MICOS10: variants seen among roughly 807,000 people sequenced by gnomAD.
MICOS10 encodes mitochondrial contact site and cristae organizing system subunit 10.
In MICOS10, 5 loss-of-function variants were observed where a neutral mutation model predicts 13.4. The ratio of observed to expected loss-of-function variants is 0.37; its 90% confidence interval spans 0.20 to 0.78. MICOS10 has a LOEUF of 0.78. Ranked by LOEUF, MICOS10 falls within the 30% of genes least tolerant of loss-of-function variation. The pLI, the probability that MICOS10 is intolerant of heterozygous loss-of-function variation, is 0.47. For missense variants in MICOS10, 101 were observed against 94.6 expected, an observed-to-expected ratio of 1.07 and a Z score of -0.28; for synonymous variants, 35 against 33.6, an observed-to-expected ratio of 1.04 and a Z score of -0.15.
At chr1:19,602,855 G>C (rs868434712) in intron 1 of MICOS10, among the ~76,000 whole-genome samples, 1 of 152,128 alleles carries the variant, frequency 6.6e-6, no homozygotes, top group Non-Finnish European at 1.5e-5. Context: ...ACTTTAAATC[G>C]TTCTGGTCTC....
At chr1:19,598,815 A>G (rs959053278) in intron 1 of MICOS10, among the ~76,000 whole-genome samples, 63 of 152,284 alleles carry the variant, frequency 4.1e-4, no homozygotes, top group African/African-American at 1.5e-3. Context: ...TACATAAGCT[A>G]CTTAGCACAG....
intron 1 of MICOS10, among the ~76,000 whole-genome samples, chr1:19,607,924 A>G (rs1570475046): frequency 1.3e-5 from 2 of 152,138 alleles, no homozygotes; most frequent in Non-Finnish European, 2.9e-5. Context: ...TACATGGTCA[A>G]TTCGTTTTTG....
rs150003366 is a variant in MICOS10, at chr1:19,615,317, A to G, written c.65-6783A>G. On this transcript the variant is annotated intron_variant, in intron 1 of 3. Coordinates refer to ENST00000322753, the MANE Select transcript of MICOS10 (RefSeq NM_001032363.4). ...AGGAAGAAGGTGAACCACAGTTACT[A>G]TGTGCACTGTACTAGTCTTCCAAGT... Among the ~76,000 whole-genome samples the G allele has an allele frequency of 7.9e-5, 12 of 152,214 alleles. No homozygotes were observed. In the East Asian group the frequency reaches 2.1e-3, roughly 27 times the overall value.
At chr1:19,606,168 A>G (rs1306354055) in intron 1 of MICOS10, among the ~76,000 whole-genome samples, 2 of 152,210 alleles carry the variant, frequency 1.3e-5, no homozygotes, top group Non-Finnish European at 2.9e-5. Context: ...AAAGAGAGAT[A>G]TAATGATGCT....
At position 19,628,829 on chromosome 1, in the gene MICOS10, A is replaced by C. The variant is rs376811082; in HGVS notation, c.*2428A>C. On this transcript the variant is annotated 3_prime_UTR_variant, in exon 4 of 4. Transcript: ENST00000322753. ...CAAATTCCCTAGACACATTAGAAAA[A>C]TAGGGAGTGGAGAGGGGCATTGGAA... 1 of 152,194 alleles carries C rather than the reference A, an allele frequency of 6.6e-6. No homozygotes were observed. Among genetic ancestry groups the C allele is most frequent in the Non-Finnish European group, 1.5e-5 (1 of 68,044 alleles). 9.4% of individuals were successfully genotyped at this position (152,194 alleles called of 1,614,324 possible).
At chr1:19,622,662 G>T (rs536523941) in intron 2 of MICOS10, among the ~76,000 whole-genome samples, 1 of 152,152 alleles carries the variant, frequency 6.6e-6, no homozygotes, top group African/African-American at 2.4e-5. Context: ...ACCTCTTTCC[G>T]TGAAGAACCA....
intron 1 of MICOS10, among the ~76,000 whole-genome samples, chr1:19,619,980 C>T (rs1190914885): frequency 1.3e-5 from 2 of 152,204 alleles, no homozygotes; most frequent in Admixed American, 1.3e-4. Context: ...TTTGTCATGT[C>T]AGACAGCATG....
intron 1 of MICOS10, among the ~76,000 whole-genome samples, chr1:19,606,643 G>A (rs2094835795): frequency 1.3e-5 from 2 of 152,120 alleles, no homozygotes; most frequent in African/African-American, 2.4e-5. Context: ...CTACTCAGGA[G>A]GCTGAGGCAG....
chr1:19,626,335 G>GT, intron 3 of MICOS10, 52 bp from the exon 4 acceptor site: 1 of 1,613,186 alleles, frequency 6.2e-7, no homozygotes, highest in South Asian at 1.1e-5. Flanking sequence ...ATTAGAGAGG[G>GT]TTGTCAGAAT....
intron 1 of MICOS10, among the ~76,000 whole-genome samples, chr1:19,613,040 G>T (rs2094869943): frequency 6.6e-6 from 1 of 152,124 alleles, no homozygotes; most frequent in South Asian, 2.1e-4. Context: ...CCTTGCCTTT[G>T]CCTGTACTGG....
chr1:19,602,832 A>G (rs972080423), intron 1 of MICOS10, among the ~76,000 whole-genome samples: 1 of 152,176 alleles, frequency 6.6e-6, no homozygotes, highest in Non-Finnish European at 1.5e-5. Context: ...ATAGTGTCTT[A>G]TCAACCTAGG....
chr1:19,597,172 G>A, intron 1 of MICOS10, 63 bp downstream of exon 1: 4 of 1,527,442 alleles, frequency 2.6e-6, no homozygotes, highest in Admixed American at 2.0e-5. Context: ...AGGCTGCGCT[G>A]CCCAGGAGGA....
At chr1:19,611,572 C>G (rs1342746068) in intron 1 of MICOS10, among the ~76,000 whole-genome samples, 1 of 149,070 alleles carries the variant, frequency 6.7e-6, no homozygotes, top group African/African-American at 2.5e-5. Context: ...CTCCTGGACT[C>G]CAGTGACGTC....
At chr1:19,598,395 A>G (rs1186567799) in intron 1 of MICOS10, among the ~76,000 whole-genome samples, 2 of 152,180 alleles carry the variant, frequency 1.3e-5, no homozygotes, top group African/African-American at 2.4e-5. Context: ...TTGTTTTGTT[A>G]CTGTTAACAG....
intron 1 of MICOS10, chr1:19,600,722 C>T (rs2094810885): frequency 2.6e-6 from 1 of 382,628 alleles, no homozygotes; most frequent in South Asian, 1.9e-5. Context: ...CCACCTCAGC[C>T]TCCTGAGTAG....
chr1:19,626,039 C>A (rs147829069), intron 3 of MICOS10, among the ~76,000 whole-genome samples: 1 of 152,110 alleles, frequency 6.6e-6, no homozygotes, highest in African/African-American at 2.4e-5. Context: ...AGACTCTTAC[C>A]GGGGTTGAGA....
At chr1:19,602,181 G>A (rs547323232) in intron 1 of MICOS10, among the ~76,000 whole-genome samples, 1 of 152,170 alleles carries the variant, frequency 6.6e-6, no homozygotes, top group South Asian at 2.1e-4. Flanking sequence ...CTAACGCCTG[G>A]TTTAGAGGAG....
intron 1 of MICOS10, among the ~76,000 whole-genome samples, chr1:19,607,594 A>G (rs1272371119): frequency 6.6e-6 from 1 of 152,210 alleles, no homozygotes; most frequent in Admixed American, 6.6e-5. Context: ...TTGAATGCCT[A>G]TTAATGTGCC....
chr1:19,600,357 G>A (rs2094809279), intron 1 of MICOS10, among the ~76,000 whole-genome samples: 1 of 152,148 alleles, frequency 6.6e-6, no homozygotes, highest in Non-Finnish European at 1.5e-5. Context: ...AGTCTGAGTC[G>A]TCTTTGAAAC....
Sources: allele counts gnomAD v4.1 joint callset (sites outside exome capture counted in the v4.1 genomes callset), GRCh38; gene constraint gnomAD v4.1.1; transcripts MANE v1.5; gene names NCBI Gene and HGNC (gene_info 2026-07-23, HGNC 2026-07-21).